FILIP1L: variants seen among roughly 807,000 people sequenced by gnomAD.
FILIP1L encodes the protein filamin A-interacting protein 1-like.
In FILIP1L, 55 loss-of-function variants were observed where a neutral mutation model predicts 96.6. The observed-to-expected ratio is 0.57, with a 90% CI of 0.46 to 0.71. FILIP1L has a LOEUF of 0.71. Ranked by LOEUF, FILIP1L falls within the 30% of genes least tolerant of loss-of-function variation. FILIP1L has a pLI of 0.00. For synonymous variants in FILIP1L, 467 were observed against 473.9 expected (o/e 0.99, Z 0.19); for missense variants, 1,304 against 1,321.2 (o/e 0.99, Z 0.20).
chr3:99,939,907 A>C (rs1456246487), intron 1 of FILIP1L, among the ~76,000 whole-genome samples: 1 of 152,170 alleles, frequency 6.6e-6, no homozygotes, highest in Non-Finnish European at 1.5e-5. Flanking sequence ...GCTCATGCTA[A>C]ATTAATTGAC....
intron 3 of FILIP1L, among the ~76,000 whole-genome samples, 190 bp from the exon 4 acceptor site, chr3:99,924,598 A>C (rs1459407845): frequency 1.3e-5 from 2 of 152,140 alleles, no homozygotes; most frequent in Non-Finnish European, 2.9e-5. Context: ...GACTCACTGC[A>C]ACTTCCGCCT....
rs137882426 is a variant in FILIP1L, at chr3:100,042,520, A to G, written c.-11+71533T>C. Among the ~76,000 whole-genome samples, 29 of 152,280 alleles carry G rather than the reference A, an allele frequency of 1.9e-4. 1 individual carries two copies. In the East Asian group the frequency reaches 5.2e-3, roughly 27 times the overall value. On this transcript the variant is annotated intron_variant, in intron 1 of 5. Transcript: ENST00000477258. ...GAGACAAATCATATCAGGCTCTTGT[A>G]TTATTTTATTACCAAGTGTATTTTA...
chr3:100,086,039 A>G (rs992151230), intron 1 of FILIP1L, among the ~76,000 whole-genome samples: 2 of 152,242 alleles, frequency 1.3e-5, no homozygotes, highest in African/African-American at 2.4e-5. Context: ...TGAATAAAAT[A>G]TGATTCGTGT....
chr3:100,016,658 G>A (rs1710350312), intron 1 of FILIP1L, among the ~76,000 whole-genome samples: 1 of 152,184 alleles, frequency 6.6e-6, no homozygotes, highest in South Asian at 2.1e-4. Context: ...ACACTAGGAA[G>A]CTCTTTCACA....
At chr3:100,075,429 G>A (rs2065834729) in intron 1 of FILIP1L, 1 of 152,146 alleles carries the variant, frequency 6.6e-6, no homozygotes, top group African/African-American at 2.4e-5. Flanking sequence ...GAAGCTTAGA[G>A]GTTAGGAAGA....
chr3:99,974,862 A>G (rs1361082536), intron 1 of FILIP1L, among the ~76,000 whole-genome samples: 1 of 152,168 alleles, frequency 6.6e-6, no homozygotes, highest in Non-Finnish European at 1.5e-5. Flanking sequence ...TCTCTTTCCT[A>G]CCCCTTGGCA....
chr3:100,036,384 G>A (rs570198411), intron 1 of FILIP1L, among the ~76,000 whole-genome samples: 2 of 152,284 alleles, frequency 1.3e-5, no homozygotes, highest in East Asian at 3.9e-4. Flanking sequence ...ATGAGGACAT[G>A]TCAAAAGGAC....
intron 1 of FILIP1L, among the ~76,000 whole-genome samples, chr3:99,938,074 T>TGTGTGC (rs1431638787): frequency 1.5e-4 from 13 of 85,210 alleles, no homozygotes; most frequent in Non-Finnish European, 2.3e-4. Flanking sequence ...TGTGTGTGTG[T>TGTGTGC]GCGCGCGCGC....
chr3:100,011,281 A>G (rs1710148952), intron 1 of FILIP1L, among the ~76,000 whole-genome samples: 1 of 152,324 alleles, frequency 6.6e-6, no homozygotes, highest in South Asian at 2.1e-4. Context: ...CTCTTTCTGT[A>G]GAACTCGACA....
chr3:100,075,280 G>A (rs1246838011), intron 1 of FILIP1L, among the ~76,000 whole-genome samples: 1 of 152,146 alleles, frequency 6.6e-6, no homozygotes, highest in Non-Finnish European at 1.5e-5. Context: ...TGACACAAGA[G>A]AACAATCTAG....
At chr3:99,921,751 C>T (rs1193566967) in intron 4 of FILIP1L, among the ~76,000 whole-genome samples, 4 of 152,114 alleles carry the variant, frequency 2.6e-5, no homozygotes, top group African/African-American at 9.7e-5. Flanking sequence ...CTCTTAAGTT[C>T]TTTCTCTTAA....
chr3:100,085,374 GA>G (rs2065991503), intron 1 of FILIP1L, among the ~76,000 whole-genome samples: 1 of 152,066 alleles, frequency 6.6e-6, no homozygotes, highest in African/African-American at 2.4e-5. Flanking sequence ...CTCATGTAGG[GA>G]AAAATGACTG....
At chr3:99,981,291 T>C (rs893900103) in intron 1 of FILIP1L, among the ~76,000 whole-genome samples, 1 of 152,146 alleles carries the variant, frequency 6.6e-6, no homozygotes, top group Non-Finnish European at 1.5e-5. Flanking sequence ...TACTTAATCC[T>C]CAGGACTAAG....
intron 4 of FILIP1L, among the ~76,000 whole-genome samples, chr3:99,868,228 G>C (rs1439756226): frequency 6.6e-6 from 1 of 152,198 alleles, no homozygotes; most frequent in African/African-American, 2.4e-5. Context: ...GTTTCTCACA[G>C]GAGGGACTGC....
At chr3:99,938,072 TGTGC>T (rs59272471) in intron 1 of FILIP1L, among the ~76,000 whole-genome samples, 61,331 of 142,076 alleles carry the variant, frequency 0.43, 12,650 homozygotes, top group East Asian at 0.69. Context: ...TGTGTGTGTG[TGTGC>T]GCGCGCGCGC....
At chr3:100,028,443 G>A (rs2064966235) in intron 1 of FILIP1L, among the ~76,000 whole-genome samples, 1 of 152,228 alleles carries the variant, frequency 6.6e-6, no homozygotes, top group Non-Finnish European at 1.5e-5. Context: ...CTGCTAAGGT[G>A]GTTTTTCTGT....
rs1466464118 is a variant in FILIP1L, at chr3:100,066,538, T to C, written c.-11+47515A>G. ...GCTTCTTTTTTTTTTTTTTTTTTTT[T>C]TTTTTTTTTTTGAGACGGAGTCTCG... On this transcript the variant is annotated intron_variant, in intron 1 of 5. Coordinates refer to ENST00000477258, the MANE Select transcript of FILIP1L (RefSeq NM_001387850.1). 3.6e-5 allele frequency among the ~76,000 whole-genome samples: 3 copies of C among 84,422 alleles called. No individual in the cohort carries two copies. In the Admixed American group the frequency reaches 3.8e-4, roughly 11 times the overall value. The allele number at this position is 84,422 out of a possible 152,430, so 55.4% of individuals were successfully genotyped here. A position where few individuals can be genotyped will look rare whatever the true frequency, so the allele number is the denominator to read the frequency against.
At chr3:100,015,085 G>A (rs935205065) in intron 1 of FILIP1L, among the ~76,000 whole-genome samples, 2 of 151,104 alleles carry the variant, frequency 1.3e-5, no homozygotes, top group African/African-American at 2.4e-5. Flanking sequence ...TACGAGATAA[G>A]GGTCTAATTT....
chr3:99,890,403 T>A (rs1001185200), intron 4 of FILIP1L, among the ~76,000 whole-genome samples: 2 of 152,132 alleles, frequency 1.3e-5, no homozygotes, highest in African/African-American at 4.8e-5. Context: ...CTTTCTTCAG[T>A]TCTAGAAAAT....
Sources: gnomAD v4.1 joint callset for allele counts (sites outside exome capture counted in the v4.1 genomes callset) on GRCh38, gnomAD v4.1.1 for gene constraint, MANE v1.5 for transcripts, NCBI Gene and HGNC (gene_info 2026-07-23, HGNC 2026-07-21) for gene names.